HECW1: variants seen among roughly 807,000 people sequenced by gnomAD.
HECW1 encodes the protein E3 ubiquitin-protein ligase HECW1.
HECW1 carries 61 observed loss-of-function variants against 182.3 expected under a neutral mutation model. That is an observed-to-expected ratio of 0.33 (90% CI 0.27 to 0.41). The LOEUF (loss-of-function observed/expected upper bound fraction) is 0.41. HECW1 is among the 10% of genes least tolerant of loss of function. The probability of loss-of-function intolerance (pLI) is 1.00; values close to 1 mark genes in which losing one functional copy is unlikely to be tolerated. For missense variants in HECW1, 1,739 were observed against 2,108.9 expected, an observed-to-expected ratio of 0.82 and a Z score of 3.44; for synonymous variants, 859 against 832.6, an observed-to-expected ratio of 1.03 and a Z score of -0.55.
intron 3 of HECW1, among the ~76,000 whole-genome samples, chr7:43,294,738 A>C (rs2152758169): frequency 6.6e-6 from 1 of 152,294 alleles, no homozygotes; most frequent in South Asian, 2.1e-4. Context: ...GTCTGACTTC[A>C]AAAGCTTTTG....
chr7:43,517,755 A>C (rs1045844753), intron 24 of HECW1, among the ~76,000 whole-genome samples: 11 of 152,022 alleles, frequency 7.2e-5, no homozygotes. Flanking sequence ...GGGTTCTTTC[A>C]CGAACACCTA....
intron 24 of HECW1, among the ~76,000 whole-genome samples, chr7:43,530,901 C>G (rs1394158684): frequency 6.6e-6 from 1 of 152,178 alleles, no homozygotes; most frequent in Non-Finnish European, 1.5e-5. Flanking sequence ...AGTGATTTCT[C>G]TAAAAATGCC....
At position 43,501,823 on chromosome 7, in the gene HECW1, C is replaced by T. The variant is rs1023842134; in HGVS notation, c.3631+501C>T. Among the ~76,000 whole-genome samples the T allele has an allele frequency of 2.0e-5, 3 of 149,626 alleles. No homozygotes were observed. The South Asian group carries it at 6.4e-4, about 32-fold the overall frequency. ...TCCTGCCCATACAACAAAGAGAGTC[C>T]CTATCTAAAAAAAAATAAAAAAGAA... is the stretch of plus-strand genomic sequence containing the variant. On this transcript the variant is annotated intron_variant, in intron 21 of 29. Coordinates refer to ENST00000395891, the MANE Select transcript of HECW1 (RefSeq NM_015052.5).
intron 2 of HECW1, among the ~76,000 whole-genome samples, chr7:43,124,530 C>A (rs886455322): frequency 3.3e-5 from 5 of 152,190 alleles, no homozygotes; most frequent in Non-Finnish European, 5.9e-5. Flanking sequence ...ACACATCTCC[C>A]AGGACCACAG....
chr7:43,220,136 T>A (rs886439), intron 2 of HECW1, among the ~76,000 whole-genome samples: 1 of 152,042 alleles, frequency 6.6e-6, no homozygotes, highest in African/African-American at 2.4e-5. Flanking sequence ...CCTTAGGTTT[T>A]CTAATTTACT....
intron 24 of HECW1, among the ~76,000 whole-genome samples, chr7:43,524,317 G>C (rs942931546): frequency 6.6e-6 from 1 of 152,144 alleles, no homozygotes; most frequent in African/African-American, 2.4e-5. Context: ...GTTTTCACTA[G>C]ATTTTCTAAT....
chr7:43,452,635 A>G (rs911001284), intron 12 of HECW1, among the ~76,000 whole-genome samples: 9 of 152,238 alleles, frequency 5.9e-5, no homozygotes, highest in African/African-American at 1.9e-4. Context: ...GCCCTCATGG[A>G]GCTTACAGTC....
intron 2 of HECW1, among the ~76,000 whole-genome samples, chr7:43,190,125 GT>G (rs1793771258): frequency 6.6e-6 from 1 of 152,050 alleles, no homozygotes; most frequent in South Asian, 2.1e-4. Flanking sequence ...TTGTTTGTTT[GT>G]TTTTTGAGAC....
chr7:43,328,293 G>C (rs892960429), intron 5 of HECW1, among the ~76,000 whole-genome samples: 1 of 149,686 alleles, frequency 6.7e-6, no homozygotes, highest in African/African-American at 2.4e-5. Context: ...GCAAGACCTT[G>C]TCTCAAATTA....
chr7:43,156,304 G>A (rs1789879550), intron 2 of HECW1, among the ~76,000 whole-genome samples: 1 of 152,176 alleles, frequency 6.6e-6, no homozygotes, highest in Non-Finnish European at 1.5e-5. Flanking sequence ...CAGGCCCCCA[G>A]TAGGTGTTCA....
At chr7:43,417,625 G>A (rs1000048260) in intron 8 of HECW1, among the ~76,000 whole-genome samples, 1 of 152,168 alleles carries the variant, frequency 6.6e-6, no homozygotes, top group Non-Finnish European at 1.5e-5. Context: ...CTACTCGGGA[G>A]GCTGCGGTGG....
Position 43,156,738 on chromosome 7 carries a change from C to T in HECW1, c.-32+42347C>T, listed in dbSNP as rs76493614. ...ATGTGGTAGCCCTGTTCACCTTAGG[C>T]GTGGTCATGTGATCTGCACTGGCCA... On this transcript the variant is annotated intron_variant, in intron 2 of 29. Transcript: ENST00000395891. 8.1e-4 allele frequency among the ~76,000 whole-genome samples: 122 copies of T among 150,332 alleles called. No individual in the cohort carries two copies. The East Asian group carries it at 0.021, about 25-fold the overall frequency.
At position 43,564,620 on chromosome 7, in the gene HECW1, G is replaced by T. The variant is rs1172999888; in HGVS notation, c.*2694G>T. On this transcript the variant is annotated 3_prime_UTR_variant, in exon 30 of 30. Coordinates refer to ENST00000395891, the MANE Select transcript of HECW1 (RefSeq NM_015052.5). The stretch of plus-strand genomic sequence containing the variant: ...CTGATGTCACGGTCACCTGAAAGAA[G>T]ATGAAGCTTGTAATATTTTATTGCA... 2 of 182,558 alleles carry T rather than the reference G, an allele frequency of 1.1e-5. No homozygotes were observed. Among genetic ancestry groups the T allele is most frequent in the Non-Finnish European group, 2.3e-5 (2 of 85,700 alleles). The allele number at this position is 182,558 out of a possible 1,614,324, so 11.3% of individuals were successfully genotyped here.
Position 43,565,558 on chromosome 7 carries a change from TTTA to T in HECW1, c.*3653_*3655del, listed in dbSNP as rs571277771. The T allele has an allele frequency of 6.0e-4, 101 of 167,566 alleles. No homozygotes were observed. The highest frequency in any genetic ancestry group is 1.4e-3 in the East Asian group (13 of 9,348). The allele number at this position is 167,566 out of a possible 1,614,324, so 10.4% of individuals were successfully genotyped here. On this transcript the variant is annotated 3_prime_UTR_variant, in exon 30 of 30. Coordinates refer to ENST00000395891, the MANE Select transcript of HECW1 (RefSeq NM_015052.5). ...GAACTTTACATAACAAATGTGGTGC[TTTA>T]TTATTATTATTATTATTATTTTTAT...
intron 2 of HECW1, among the ~76,000 whole-genome samples, chr7:43,150,611 TCAA>T (rs1789198308): frequency 6.6e-6 from 1 of 152,208 alleles, no homozygotes. Flanking sequence ...ACTCCTGACC[TCAA>T]GTGATCCACC....
At chr7:43,201,667 A>G in intron 2 of HECW1, among the ~76,000 whole-genome samples, 1 of 152,234 alleles carries the variant, frequency 6.6e-6, no homozygotes, top group East Asian at 1.9e-4. Context: ...AAGTCACCAA[A>G]GAAAATCAGC....
At chr7:43,371,540 T>A (rs1184368792) in intron 6 of HECW1, among the ~76,000 whole-genome samples, 1 of 152,126 alleles carries the variant, frequency 6.6e-6, no homozygotes, top group Non-Finnish European at 1.5e-5. Context: ...CCAGGGATGA[T>A]AAGAGAGTGA....
At chr7:43,550,104 C>CA (rs5883871) in intron 26 of HECW1, among the ~76,000 whole-genome samples, 41,716 of 148,562 alleles carry the variant, frequency 0.28, 6,061 homozygotes, top group Middle Eastern at 0.42. Context: ...CACATTCTAC[C>CA]AAAAAAAAAG....
At chr7:43,342,985 A>G (rs1254048941) in intron 5 of HECW1, among the ~76,000 whole-genome samples, 1 of 151,608 alleles carries the variant, frequency 6.6e-6, no homozygotes, top group Non-Finnish European at 1.5e-5. Context: ...AAGATGCACC[A>G]CTGCACTCCA....
Sources: allele counts gnomAD v4.1 joint callset (sites outside exome capture counted in the v4.1 genomes callset), GRCh38; gene constraint gnomAD v4.1.1; transcripts MANE v1.5; gene names NCBI Gene and HGNC (gene_info 2026-07-23, HGNC 2026-07-21).